The following CSMD3 variants were observed in gnomAD, a reference collection of about 807,000 sequenced individuals.
CSMD3 encodes CUB and Sushi multiple domains 3, also known as CUB and sushi domain-containing protein 3.
Under a neutral mutation model 435.2 loss-of-function variants are expected in CSMD3, and 177 were observed. The observed-to-expected ratio is 0.41, with a 90% CI of 0.36 to 0.46. CSMD3 has a LOEUF of 0.46. CSMD3 is among the 20% of genes least tolerant of loss of function. The probability of loss-of-function intolerance (pLI) is 0.34; values close to 1 mark genes in which losing one functional copy is unlikely to be tolerated. For missense variants in CSMD3, 4,265 were observed against 4,504.6 expected (o/e 0.95, Z 1.52); for synonymous variants, 1,656 against 1,520.5 (o/e 1.09, Z -2.07).
intron 21 of CSMD3, among the ~76,000 whole-genome samples, chr8:112,638,199 A>G (rs1321786468): frequency 6.8e-6 from 1 of 147,628 alleles, no homozygotes; most frequent in Non-Finnish European, 1.5e-5. Flanking sequence ...TTAATTATAT[A>G]TATAATTAAA....
intron 13 of CSMD3, among the ~76,000 whole-genome samples, chr8:112,747,616 A>G (rs2077463279): frequency 6.6e-6 from 1 of 152,146 alleles, no homozygotes; most frequent in Non-Finnish European, 1.5e-5. Context: ...AAATTGTCAG[A>G]GTAATTTAGG....
intron 12 of CSMD3, among the ~76,000 whole-genome samples, chr8:112,803,405 G>T (rs115037332): frequency 6.6e-6 from 1 of 152,244 alleles, no homozygotes; most frequent in African/African-American, 2.4e-5. Flanking sequence ...AAACAGATTT[G>T]TGTGCCTCAT....
chr8:113,433,365 C>T (rs1012177055), intron 1 of CSMD3, among the ~76,000 whole-genome samples: 1 of 152,144 alleles, frequency 6.6e-6, no homozygotes, highest in Non-Finnish European at 1.5e-5. Context: ...GGGCTGAAAG[C>T]TCCGGACATG....
At chr8:112,568,054 G>C (rs943872211) in intron 24 of CSMD3, among the ~76,000 whole-genome samples, 4 of 152,156 alleles carry the variant, frequency 2.6e-5, no homozygotes, top group Non-Finnish European at 5.9e-5. Context: ...ACTCAATAAG[G>C]GAGTTGGATT....
intron 4 of CSMD3, among the ~76,000 whole-genome samples, chr8:113,152,091 A>T (rs986178160): frequency 6.6e-6 from 1 of 151,716 alleles, no homozygotes; most frequent in Non-Finnish European, 1.5e-5. Context: ...ATGGTGGTAC[A>T]ACCGCCTGAA....
intron 22 of CSMD3, among the ~76,000 whole-genome samples, chr8:112,612,881 A>G (rs988170501): frequency 4.8e-5 from 7 of 145,624 alleles, no homozygotes; most frequent in African/African-American, 1.8e-4. Context: ...CACCACCACC[A>G]TACGTGGCTA....
chr8:112,976,046 G>A lies in CSMD3; in HGVS notation c.1133C>T (p.Thr378Ile). ...IAVASTPADVTVSSVTAVTIH... is the reference protein window; with the variant it reads ...IAVASTPADVIVSSVTAVTIH... ...GGTGACAGCTGTAACACTGGATACA[G>A]TAACATCTGCAGGTGTGCTAGCAAC... Residue 378 changes from threonine (T) to isoleucine (I), a missense_variant, in exon 7 of 71, where the codon ACT (threonine) becomes ATT (isoleucine). Physicochemically the swap from Thr to Ile is moderately conservative, Grantham distance 89 (BLOSUM62 -1). Coordinates refer to ENST00000297405, the MANE Select transcript of CSMD3 (RefSeq NM_198123.2). 6.2e-7 allele frequency: 1 copy of A among 1,614,040 alleles called. No homozygotes were observed.
At chr8:113,331,469 G>A (rs1211887428) in intron 1 of CSMD3, among the ~76,000 whole-genome samples, 3 of 151,330 alleles carry the variant, frequency 2.0e-5, no homozygotes, top group Admixed American at 2.0e-4. Context: ...AAAAAACAAA[G>A]ACAATGCGAG....
chr8:112,648,126 A>T (rs897838222), intron 19 of CSMD3, among the ~76,000 whole-genome samples: 3 of 152,174 alleles, frequency 2.0e-5, no homozygotes, highest in Non-Finnish European at 4.4e-5. Flanking sequence ...TTCTTGGAGC[A>T]GGGCAAGAAA....
intron 1 of CSMD3, among the ~76,000 whole-genome samples, chr8:113,433,036 AT>A: frequency 6.6e-6 from 1 of 152,186 alleles, no homozygotes. Context: ...GAAGAAATTA[AT>A]GAGTATTCCC....
chr8:112,717,848 T>C (rs570505942), intron 13 of CSMD3, among the ~76,000 whole-genome samples: 5 of 151,914 alleles, frequency 3.3e-5, no homozygotes, highest in East Asian at 1.9e-4. Context: ...CACTGAAAAG[T>C]AGGAGTTGAA....
intron 12 of CSMD3, among the ~76,000 whole-genome samples, chr8:112,822,279 T>C (rs2079550908): frequency 6.6e-6 from 1 of 152,218 alleles, no homozygotes; most frequent in Admixed American, 6.5e-5. Context: ...TTCCTATCCA[T>C]GAGCATGGAA....
At chr8:112,660,998 G>T (rs1010655322) in intron 17 of CSMD3, among the ~76,000 whole-genome samples, 1 of 152,032 alleles carries the variant, frequency 6.6e-6, no homozygotes, top group Non-Finnish European at 1.5e-5. Flanking sequence ...TTAAACTGTA[G>T]GAAACATTCC....
chr8:113,167,834 C>T (rs1384945588), intron 4 of CSMD3, among the ~76,000 whole-genome samples: 1 of 152,160 alleles, frequency 6.6e-6, no homozygotes, highest in Admixed American at 6.5e-5. Flanking sequence ...TATAACTGCT[C>T]ACATTAAGAA....
Position 112,295,836 on chromosome 8 carries a change from C to T in CSMD3, c.8611G>A (p.Val2871Met), listed in dbSNP as rs199656531. 12 of 1,613,818 alleles carry T rather than the reference C, an allele frequency of 7.4e-6. No individual in the cohort carries two copies. In the African/African-American group the frequency reaches 1.6e-4, roughly 22 times the overall value. ...HNWSGQLPSC[V>M]PVSCGHPGSP... ...TGCTTTTGCCATGCTTACTTACGCA[C>T]ACAGGATGGGAGCTGACCAGACCAA... The change falls in exon 54 of 71, where the codon GTG (valine) becomes ATG (methionine). Residue 2871 changes from valine to methionine, a missense_variant. Val to Met is a conservative substitution (Grantham distance 21). Around this residue, in one of 3 missense-constraint regions of CSMD3, gnomAD observed 3,255 missense variants for 3,380.2 expected, o/e 0.96. Coordinates refer to ENST00000297405, the MANE Select transcript of CSMD3 (RefSeq NM_198123.2).
Position 112,407,160 on chromosome 8 carries a change from A to AT in CSMD3, c.5606-434dup, listed in dbSNP as rs1359714119. 2.6e-5 allele frequency among the ~76,000 whole-genome samples: 4 copies of AT among 151,946 alleles called. 1 individual carries two copies. The highest frequency in any genetic ancestry group is 2.6e-4 in the Admixed American group (4 of 15,244). ...GTATTTGGTTCTTAATTAAAAACAGATTTTATAAAGGCAAACAGTACTTTA... is the reference window on the plus strand; with the variant it reads ...GTATTTGGTTCTTAATTAAAAACAGATTTTTATAAAGGCAAACAGTACTTTA... On this transcript the variant is annotated intron_variant, in intron 34 of 70. Transcript: ENST00000297405.
chr8:112,666,678 T>C (rs1425307474), intron 16 of CSMD3, among the ~76,000 whole-genome samples: 1 of 152,170 alleles, frequency 6.6e-6, no homozygotes, highest in Non-Finnish European at 1.5e-5. Context: ...CTCTGAATAA[T>C]ACCCCTTACA....
At chr8:112,385,974 AT>A (rs142737986) in intron 36 of CSMD3, among the ~76,000 whole-genome samples, 1 of 152,154 alleles carries the variant, frequency 6.6e-6, no homozygotes, top group Admixed American at 6.5e-5. Context: ...GATGAGCTTA[AT>A]TTAAGAATCT....
intron 1 of CSMD3, among the ~76,000 whole-genome samples, chr8:113,358,931 G>A (rs1208892933): frequency 1.3e-5 from 2 of 152,050 alleles, no homozygotes; most frequent in Non-Finnish European, 2.9e-5. Flanking sequence ...TGGCAATTTT[G>A]TGCCACATAG....
Sources: gnomAD v4.1 joint callset for allele counts (sites outside exome capture counted in the v4.1 genomes callset) on GRCh38, gnomAD v4.1.1 for gene constraint, gnomAD v4.1.1 regional missense constraint, MANE v1.5 for transcripts, NCBI Gene and HGNC (gene_info 2026-07-23, HGNC 2026-07-21) for gene names.